FLNB: variants seen among roughly 807,000 people sequenced by gnomAD.
The protein encoded by FLNB is filamin-B.
In FLNB, 111 loss-of-function variants were observed where a neutral mutation model predicts 250.6. The observed-to-expected ratio is 0.44, with a 90% CI of 0.38 to 0.52. FLNB has a LOEUF of 0.52. Among genes scored for constraint, FLNB ranks in the 20% least tolerant of loss-of-function variants. The probability of loss-of-function intolerance (pLI) is 0.00; values close to 1 mark genes in which losing one functional copy is unlikely to be tolerated. For missense variants in FLNB, 2,869 were observed against 3,447.8 expected, an observed-to-expected ratio of 0.83 and a Z score of 4.20; for synonymous variants, 1,302 against 1,372.1, an observed-to-expected ratio of 0.95 and a Z score of 1.13.
At chr3:58,168,373 C>A in intron 43 of FLNB, 67 bp from the exon 44 acceptor site, 2 of 1,219,164 alleles carry the variant, frequency 1.6e-6, no homozygotes, top group Non-Finnish European at 2.4e-6. Flanking sequence ...TCCCTCACCA[C>A]GGCCTCAGTG....
intron 1 of FLNB, among the ~76,000 whole-genome samples, chr3:58,052,126 G>T (rs780036378): frequency 2.6e-5 from 4 of 152,152 alleles, no homozygotes; most frequent in Non-Finnish European, 5.9e-5. Context: ...GACCTCAGGT[G>T]ATCCGCCCAC....
intron 1 of FLNB, among the ~76,000 whole-genome samples, chr3:58,034,060 C>T (rs2097134599): frequency 6.6e-6 from 1 of 152,080 alleles, no homozygotes; most frequent in Non-Finnish European, 1.5e-5. Context: ...GGGGTTTCAC[C>T]ATGTTGGTCA....
intron 19 of FLNB, 81 bp from the exon 20 acceptor site, chr3:58,121,160 G>A: frequency 6.3e-7 from 1 of 1,587,578 alleles, no homozygotes; most frequent in Non-Finnish European, 8.6e-7. Flanking sequence ...CGTGTCCAAA[G>A]AACCATTGCT....
rs1488105296 is a variant in FLNB, at chr3:58,109,320, A to G, written c.2197A>G (p.Arg733Gly). The G allele has an allele frequency of 6.2e-7, 1 of 1,613,244 alleles. No individual in the cohort carries two copies. The highest frequency in any genetic ancestry group is 1.7e-5 in the Admixed American group (1 of 59,868). ...CGTGAACATCCCGCACAGCCCCTAC[A>G]GGGTAGGTTGTGAGGCAGAATCCTG... is the stretch of plus-strand genomic sequence containing the variant. ...GGVNIPHSPY[R>G]VNIGQGSHPQ... The change falls in exon 14 of 46, where the codon AGG becomes GGG. Residue 733 changes from arginine (R) to glycine (G), a missense_variant and splice_region_variant. Physicochemically the swap from Arg to Gly is moderately radical, Grantham distance 125. Around this residue, in one of 5 missense-constraint regions of FLNB, gnomAD observed 1,348 missense variants for 1,466.7 expected, o/e 0.92. Transcript: ENST00000295956.
chr3:58,168,396 C>A, intron 43 of FLNB, 44 bp from the exon 44 acceptor site: 1 of 1,481,382 alleles, frequency 6.8e-7, no homozygotes, highest in Non-Finnish European at 9.4e-7. Context: ...CCCAGGAAAG[C>A]CCTCCAAGTC....
At chr3:58,034,175 T>G (rs530286988) in intron 1 of FLNB, among the ~76,000 whole-genome samples, 22 of 152,340 alleles carry the variant, frequency 1.4e-4, no homozygotes, top group African/African-American at 4.3e-4. Context: ...GGTTTCTAAA[T>G]AAAGCTATCA....
At position 58,097,881 on chromosome 3, in the gene FLNB, C is replaced by G. The variant is rs2097241855; in HGVS notation, c.1051C>G (p.Gln351Glu). ...SPFEVSVDKAQGDASKVTAKG... is the reference protein window; with the variant it reads ...SPFEVSVDKAEGDASKVTAKG... ...ATTTGAAGTGAGTGTTGACAAGGCCCAGGGAGATGCCAGTAAAGTCACTGC... is the reference window on the plus strand; with the variant it reads ...ATTTGAAGTGAGTGTTGACAAGGCCGAGGGAGATGCCAGTAAAGTCACTGC... Residue 351 changes from glutamine (Q) to glutamate (E), a missense_variant, in exon 7 of 46, where the codon CAG becomes GAG. Gln to Glu is a conservative substitution (Grantham distance 29). Coordinates refer to ENST00000295956, the MANE Select transcript of FLNB (RefSeq NM_001457.4). The G allele has an allele frequency of 1.2e-6, 2 of 1,614,018 alleles. No individual in the cohort carries two copies. The highest frequency in any genetic ancestry group is 1.7e-6 in the Non-Finnish European group (2 of 1,180,020).
chr3:58,081,798 T>G (rs369055996), intron 4 of FLNB, 22 bp downstream of exon 4: 5 of 1,613,754 alleles, frequency 3.1e-6, no homozygotes, highest in Non-Finnish European at 4.2e-6. Flanking sequence ...TCCTCTGGTG[T>G]TGTATTGGAG....
rs115778612 is a variant in FLNB, at chr3:58,133,053, C to T, written c.4514+122C>T. Reference sequence around the variant, plus strand: ...ATTCCATCCATCCACTCATCCATTCCTCCATCAGTCCATCCATCCACCCAT... The same window carrying T: ...ATTCCATCCATCCACTCATCCATTCTTCCATCAGTCCATCCATCCACCCAT... On this transcript the variant is annotated intron_variant, in intron 26 of 45. Transcript: ENST00000295956. The T allele has an allele frequency of 1.2e-3, 1,367 of 1,108,904 alleles. 11 individuals are homozygous for T. The African/African-American group carries it at 0.019, about 15-fold the overall frequency. 68.7% of individuals were successfully genotyped at this position (1,108,904 alleles called of 1,614,324 possible).
intron 8 of FLNB, among the ~76,000 whole-genome samples, chr3:58,100,295 A>G (rs2097247590): frequency 6.7e-6 from 1 of 149,306 alleles, no homozygotes; most frequent in Non-Finnish European, 1.5e-5. Context: ...ACTATTTAGC[A>G]TTTAATGAAT....
chr3:58,100,150 A>T (rs1300815725), intron 8 of FLNB, among the ~76,000 whole-genome samples: 1 of 151,958 alleles, frequency 6.6e-6, no homozygotes, highest in Non-Finnish European at 1.5e-5. Context: ...GGCAAAAAAA[A>T]TTCTAACATA....
At chr3:58,110,951 G>A (rs1262169214) in intron 16 of FLNB, among the ~76,000 whole-genome samples, 3 of 152,034 alleles carry the variant, frequency 2.0e-5, no homozygotes, top group Non-Finnish European at 1.5e-5. Flanking sequence ...TTACAACCAA[G>A]AAGGAAAAAA....
In FLNB at chr3:58,155,940, G is replaced by A; in HGVS notation, c.6773-20G>A. On this transcript the variant is annotated intron_variant, in intron 40 of 45. Coordinates refer to ENST00000295956, the MANE Select transcript of FLNB (RefSeq NM_001457.4). ...TGGGTCCAGAGTCTCTGAAATGATGGGACTTTCCTGTCCTCATAGGTAACT... is the reference window on the plus strand; with the variant it reads ...TGGGTCCAGAGTCTCTGAAATGATGAGACTTTCCTGTCCTCATAGGTAACT... 1.9e-6 allele frequency: 3 copies of A among 1,546,880 alleles called. No homozygotes were observed. The highest frequency in any genetic ancestry group is 1.7e-5 in the Admixed American group (1 of 59,910).
intron 40 of FLNB, 32 bp downstream of exon 40, chr3:58,154,960 T>G: frequency 1.9e-6 from 3 of 1,610,048 alleles, no homozygotes; most frequent in Non-Finnish European, 2.6e-6. Context: ...GAGGACATTT[T>G]CCTTGTTTGA....
At chr3:58,143,124 C>T (rs572123373) in intron 31 of FLNB, among the ~76,000 whole-genome samples, 1 of 152,240 alleles carries the variant, frequency 6.6e-6, no homozygotes, top group South Asian at 2.1e-4. Flanking sequence ...TACAGGAGTT[C>T]CTTTCTCCCC....
intron 1 of FLNB, among the ~76,000 whole-genome samples, chr3:58,037,443 C>T (rs575902874): frequency 6.6e-6 from 1 of 152,338 alleles, no homozygotes; most frequent in South Asian, 2.1e-4. Flanking sequence ...TCATATCAGC[C>T]AGCTAAAGCC....
At chr3:58,092,229 T>C (rs1256350375) in intron 4 of FLNB, among the ~76,000 whole-genome samples, 1 of 152,206 alleles carries the variant, frequency 6.6e-6, no homozygotes, top group Non-Finnish European at 1.5e-5. Flanking sequence ...AAAATATTAA[T>C]ACTGATAACA....
chr3:58,018,548 C>T (rs954847198), intron 1 of FLNB, among the ~76,000 whole-genome samples: 11 of 150,538 alleles, frequency 7.3e-5, no homozygotes. Context: ...CAGGGTCTCA[C>T]TCTGTCACCC....
At position 58,145,901 on chromosome 3, in the gene FLNB, T is replaced by G. The variant is rs1245493032; in HGVS notation, c.5426-20T>G. The G allele has an allele frequency of 6.2e-7, 1 of 1,614,130 alleles. No individual in the cohort carries two copies. Among genetic ancestry groups the G allele is most frequent in the Admixed American group, 1.7e-5 (1 of 60,018 alleles). On this transcript the variant is annotated intron_variant, in intron 32 of 45. Coordinates refer to ENST00000295956, the MANE Select transcript of FLNB (RefSeq NM_001457.4). Reference sequence around the variant, plus strand: ...CCCCTTAATGAGCACCAATTTTGTTTGTGTCCTTCGTAAACCCAGAGAGCC... The same window carrying G: ...CCCCTTAATGAGCACCAATTTTGTTGGTGTCCTTCGTAAACCCAGAGAGCC...
Sources: gnomAD v4.1 joint callset for allele counts (sites outside exome capture counted in the v4.1 genomes callset) on GRCh38, gnomAD v4.1.1 for gene constraint, gnomAD v4.1.1 regional missense constraint, MANE v1.5 for transcripts, NCBI Gene and HGNC (gene_info 2026-07-23, HGNC 2026-07-21) for gene names.